CCDC7: variants seen among roughly 807,000 people sequenced by gnomAD.
CCDC7 encodes the protein coiled-coil domain-containing protein 7.
In CCDC7, 183 loss-of-function variants were observed where a neutral mutation model predicts 196.9. The ratio of observed to expected loss-of-function variants is 0.93; its 90% CI spans 0.82 to 1.05. CCDC7 has a LOEUF of 1.05. Among genes scored for constraint, CCDC7 ranks in the 50% least tolerant of loss-of-function variants. CCDC7 has a pLI of 0.00. For missense variants in CCDC7, 1,540 were observed against 1,482.2 expected (o/e 1.04, Z -0.64); for synonymous variants, 525 against 484.6 (o/e 1.08, Z -1.10).
chr10:32,796,156 T>C (rs778702382), intron 29 of CCDC7, among the ~76,000 whole-genome samples: 16 of 152,126 alleles, frequency 1.1e-4, no homozygotes, highest in East Asian at 5.8e-4. Context: ...AGTCGCTGTC[T>C]GCTTTGAGTT....
At chr10:32,727,706 C>G (rs1358471917) in intron 26 of CCDC7, among the ~76,000 whole-genome samples, 1 of 152,124 alleles carries the variant, frequency 6.6e-6, no homozygotes, top group African/African-American at 2.4e-5. Flanking sequence ...TAATATATCG[C>G]TTTCCTGCTG....
chr10:32,864,585 G>T (rs1179987712), intron 41 of CCDC7, among the ~76,000 whole-genome samples: 2 of 151,192 alleles, frequency 1.3e-5, no homozygotes, highest in East Asian at 3.9e-4. Context: ...AAATTCTAAA[G>T]ATTAAAGATG....
chr10:32,545,760 G>T (rs1216373058), intron 13 of CCDC7, among the ~76,000 whole-genome samples: 1 of 152,048 alleles, frequency 6.6e-6, no homozygotes, highest in African/African-American at 2.4e-5. Flanking sequence ...ACAAAAATTA[G>T]CTGGGCATGG....
At chr10:32,701,250 G>A (rs1461330010) in intron 24 of CCDC7, among the ~76,000 whole-genome samples, 1 of 152,166 alleles carries the variant, frequency 6.6e-6, no homozygotes, top group Non-Finnish European at 1.5e-5. Flanking sequence ...AATTTATTGA[G>A]AGTTTTTAGC....
chr10:32,776,772 T>A (rs1454586614), intron 28 of CCDC7, among the ~76,000 whole-genome samples: 1 of 152,204 alleles, frequency 6.6e-6, no homozygotes, highest in Non-Finnish European at 1.5e-5. Context: ...TATGTTAAAT[T>A]GCAAAGTAAA....
chr10:32,635,275 A>G, intron 20 of CCDC7, 117 bp downstream of exon 21: 1 of 383,076 alleles, frequency 2.6e-6, no homozygotes, highest in Non-Finnish European at 4.6e-6. Flanking sequence ...ATACTTCTAG[A>G]TCTATACTGG....
chr10:32,561,454 C>T (rs1272355751), intron 13 of CCDC7, among the ~76,000 whole-genome samples: 1 of 152,212 alleles, frequency 6.6e-6, no homozygotes. Flanking sequence ...AACTGTCTCT[C>T]AGACCACAGT....
At chr10:32,836,076 A>G (rs2092579167) in intron 33 of CCDC7, among the ~76,000 whole-genome samples, 1 of 152,136 alleles carries the variant, frequency 6.6e-6, no homozygotes, top group Non-Finnish European at 1.5e-5. Context: ...CAGTGATTAC[A>G]CAACTAAATT....
chr10:32,608,761 G>A (rs969187450), intron 18 of CCDC7, among the ~76,000 whole-genome samples: 32 of 152,028 alleles, frequency 2.1e-4, no homozygotes, highest in African/African-American at 7.2e-4. Context: ...GGCTGGTCTC[G>A]AACTCCTGGC....
chr10:32,598,304 C>A (rs2060629301), intron 18 of CCDC7, among the ~76,000 whole-genome samples: 1 of 152,200 alleles, frequency 6.6e-6, no homozygotes, highest in African/African-American at 2.4e-5. Context: ...CCCTCCGAGT[C>A]AGGCACGGGA....
chr10:32,663,240 G>C (rs566349957), intron 20 of CCDC7, among the ~76,000 whole-genome samples: 98 of 152,196 alleles, frequency 6.4e-4, no homozygotes, highest in African/African-American at 2.1e-3. Context: ...TGATTGGTGT[G>C]CAATATGATC....
chr10:32,571,422 G>A (rs1333222), intron 15 of CCDC7, among the ~76,000 whole-genome samples: 66,632 of 151,890 alleles, frequency 0.44, 15,240 homozygotes, highest in East Asian at 0.58. Flanking sequence ...ATTATATATA[G>A]TATTAGCATT....
chr10:32,804,388 A>G (rs1250557600), intron 29 of CCDC7, among the ~76,000 whole-genome samples: 1 of 152,182 alleles, frequency 6.6e-6, no homozygotes, highest in Admixed American at 6.5e-5. Flanking sequence ...CTAAGCTACG[A>G]GGTCCACATG....
At chr10:32,682,175 C>T (rs2075948843) in intron 21 of CCDC7, among the ~76,000 whole-genome samples, 1 of 152,140 alleles carries the variant, frequency 6.6e-6, no homozygotes, top group African/African-American at 2.4e-5. Context: ...ACTCTGCCTA[C>T]CCTCCACCCT....
chr10:32,617,884 G>A (rs574229484), intron 18 of CCDC7, among the ~76,000 whole-genome samples: 9 of 151,928 alleles, frequency 5.9e-5, no homozygotes, highest in African/African-American at 1.7e-4. Context: ...TGATGTTGAC[G>A]TCCTCCTCTA....
At chr10:32,844,175 T>G (rs1032047870) in intron 33 of CCDC7, among the ~76,000 whole-genome samples, 1 of 151,946 alleles carries the variant, frequency 6.6e-6, no homozygotes, top group Non-Finnish European at 1.5e-5. Context: ...CTTTCATAAC[T>G]TTCATGTATT....
chr10:32,492,816 T>C (rs759895011), intron 9 of CCDC7, among the ~76,000 whole-genome samples: 3 of 152,090 alleles, frequency 2.0e-5, no homozygotes, highest in Non-Finnish European at 2.9e-5. Flanking sequence ...TTAAAATGAT[T>C]AAGATGGTAA....
chr10:32,601,767 TCTAG>T (rs2061038571), intron 18 of CCDC7, among the ~76,000 whole-genome samples: 1 of 152,054 alleles, frequency 6.6e-6, no homozygotes, highest in Non-Finnish European at 1.5e-5. Context: ...ACACTCTGTG[TCTAG>T]CTAAAGGATT....
chr10:32,558,258 T>G lies in CCDC7; in HGVS notation c.1135-7300T>G, dbSNP rs114839213. Among the ~76,000 whole-genome samples, 1,277 of 152,302 alleles carry G rather than the reference T, an allele frequency of 8.4e-3. 28 individuals carry two copies. The highest frequency in any genetic ancestry group is 0.028 in the African/African-American group (1,176 of 41,570). ...TCTTGAAACCCTAGATTGTGTTATA[T>G]TCTTCTGATTATTATTATTTTTTTC... On this transcript the variant is annotated intron_variant, in intron 13 of 41. Coordinates refer to ENST00000639629, the Ensembl canonical transcript of CCDC7.
Sources: allele counts gnomAD v4.1 joint callset (sites outside exome capture counted in the v4.1 genomes callset), GRCh38; gene constraint gnomAD v4.1.1; transcripts MANE v1.5; gene names NCBI Gene and HGNC (gene_info 2026-07-23, HGNC 2026-07-21).